Variants in XRCC4 observed in about 807,000 individuals in gnomAD.
XRCC4 encodes the protein X-ray repair cross complementing 4.
XRCC4 carries 28 observed loss-of-function variants against 39.1 expected under a neutral mutation model. The ratio of observed to expected loss-of-function variants is 0.72; its 90% CI spans 0.53 to 0.98. The LOEUF (loss-of-function observed/expected upper bound fraction) is 0.98, where lower values mean the gene tolerates loss of function less well. Ranked by LOEUF, XRCC4 falls within the 50% of genes least tolerant of loss-of-function variation. XRCC4 has a pLI of 0.00. For synonymous variants in XRCC4, 123 were observed against 126.4 expected (o/e 0.97, Z 0.18); for missense variants, 350 against 376.4 (o/e 0.93, Z 0.58).
chr5:83,352,351 G>A (rs942340195), intron 7 of XRCC4, among the ~76,000 whole-genome samples: 2 of 152,142 alleles, frequency 1.3e-5, no homozygotes, highest in African/African-American at 4.8e-5. Flanking sequence ...AGGTTCCATA[G>A]AGAACCACTG....
chr5:83,116,758 A>G (rs1355752713), intron 3 of XRCC4, among the ~76,000 whole-genome samples: 2 of 151,416 alleles, frequency 1.3e-5, no homozygotes, highest in Non-Finnish European at 2.9e-5. Context: ...AGTAGCTGGG[A>G]TTACAGGTGC....
intron 6 of XRCC4, among the ~76,000 whole-genome samples, chr5:83,241,212 CA>C (rs1365868384): frequency 1.4e-5 from 2 of 143,110 alleles, no homozygotes; most frequent in African/African-American, 2.6e-5. Flanking sequence ...CAATGCACTC[CA>C]GCCAGGGCAA....
At position 83,204,928 on chromosome 5, in the gene XRCC4, GAT is replaced by G; in HGVS notation, c.745+9_745+10del. The G allele has an allele frequency of 6.3e-7, 1 of 1,583,434 alleles. No homozygotes were observed. Among genetic ancestry groups the G allele is most frequent in the Non-Finnish European group, 8.7e-7 (1 of 1,153,868 alleles). On this transcript the variant is annotated splice_region_variant and intron_variant, in intron 6 of 7. Coordinates refer to ENST00000396027, the MANE Select transcript of XRCC4 (RefSeq NM_003401.5). ...CTCTCTGGGTTGGCTTCAGGTAAGA[GAT>G]ACATACATTTATCTCCTCTGTTGAA...
intron 7 of XRCC4, among the ~76,000 whole-genome samples, chr5:83,342,948 T>C (rs1381694708): frequency 6.6e-6 from 1 of 152,172 alleles, no homozygotes; most frequent in Non-Finnish European, 1.5e-5. Context: ...AAGGTCAATC[T>C]GATAGCTGCT....
intron 3 of XRCC4, among the ~76,000 whole-genome samples, chr5:83,127,075 T>G (rs151233546): frequency 1.2e-4 from 19 of 152,254 alleles, no homozygotes; most frequent in African/African-American, 4.1e-4. Flanking sequence ...CCATATCTGA[T>G]TTAGATGAGA....
the XRCC4 span, among the ~76,000 whole-genome samples, chr5:83,364,203 G>C: frequency 6.6e-6 from 1 of 152,066 alleles, no homozygotes; most frequent in African/African-American, 2.4e-5. Flanking sequence ...AGAACAAAGT[G>C]GCAGAAATAG....
intron 3 of XRCC4, among the ~76,000 whole-genome samples, chr5:83,155,379 A>T (rs1418652006): frequency 1.3e-5 from 2 of 152,192 alleles, no homozygotes; most frequent in African/African-American, 4.8e-5. Flanking sequence ...ATACAAAACT[A>T]CTAATTGCTA....
the XRCC4 span, among the ~76,000 whole-genome samples, chr5:83,369,418 G>A: frequency 3.3e-5 from 5 of 152,058 alleles, no homozygotes; most frequent in African/African-American, 1.2e-4. Context: ...CCCCCGTCTA[G>A]TAGTTCACAG....
Position 83,166,042 on chromosome 5 carries a change from C to T in XRCC4, c.316-29728C>T, listed in dbSNP as rs529807281. 9.4e-4 allele frequency among the ~76,000 whole-genome samples: 143 copies of T among 152,000 alleles called. No individual in the cohort carries two copies. The Middle Eastern group carries it at 0.01, about 11-fold the overall frequency. ...CTGGGATTACAGGCATGTGCTACCA[C>T]GCCTGGCTAATTTTTTGTATTTTTA... On this transcript the variant is annotated intron_variant, in intron 3 of 7. Transcript: ENST00000396027.
intron 6 of XRCC4, 106 bp from the exon 7 acceptor site, chr5:83,258,424 C>A: frequency 7.5e-7 from 1 of 1,331,624 alleles, no homozygotes; most frequent in Non-Finnish European, 1.0e-6. Context: ...AATAGTTTTG[C>A]TATATTTTAA....
chr5:83,147,374 A>G (rs760521020), intron 3 of XRCC4, among the ~76,000 whole-genome samples: 4 of 152,226 alleles, frequency 2.6e-5, no homozygotes, highest in Non-Finnish European at 5.9e-5. Context: ...ATTCAGCCTT[A>G]AAACACAAGG....
intron 3 of XRCC4, among the ~76,000 whole-genome samples, chr5:83,118,444 G>T (rs1425840559): frequency 6.6e-6 from 1 of 152,066 alleles, no homozygotes; most frequent in Non-Finnish European, 1.5e-5. Context: ...TGGATTACAG[G>T]CATGAGTCAG....
intron 6 of XRCC4, among the ~76,000 whole-genome samples, chr5:83,247,429 C>T (rs11750334): frequency 0.07 from 10,689 of 152,258 alleles, 517 homozygotes; most frequent in Non-Finnish European, 0.1. Context: ...ATCATCCCCC[C>T]AACCTCACCC....
chr5:83,135,564 A>G (rs563870340), intron 3 of XRCC4, among the ~76,000 whole-genome samples: 2 of 151,708 alleles, frequency 1.3e-5, no homozygotes, highest in African/African-American at 4.8e-5. Context: ...ATTTATATGT[A>G]TATTATGTTT....
chr5:83,210,038 C>G (rs1248171431), intron 6 of XRCC4, among the ~76,000 whole-genome samples: 3 of 152,052 alleles, frequency 2.0e-5, no homozygotes, highest in East Asian at 1.9e-4. Flanking sequence ...TATAGAATAG[C>G]CTTTTTGAAA....
At chr5:83,128,326 G>A (rs975755961) in intron 3 of XRCC4, among the ~76,000 whole-genome samples, 1 of 152,152 alleles carries the variant, frequency 6.6e-6, no homozygotes, top group Admixed American at 6.6e-5. Flanking sequence ...TGGCTACATA[G>A]TATTCCATGG....
intron 6 of XRCC4, among the ~76,000 whole-genome samples, chr5:83,207,376 A>G (rs1751461361): frequency 6.6e-6 from 1 of 152,024 alleles, no homozygotes; most frequent in Non-Finnish European, 1.5e-5. Flanking sequence ...AGAAATGTTT[A>G]GTTTATTTCA....
At chr5:83,090,255 T>C (rs1473919518) in intron 1 of XRCC4, among the ~76,000 whole-genome samples, 4 of 152,094 alleles carry the variant, frequency 2.6e-5, no homozygotes, top group Non-Finnish European at 1.5e-5. Flanking sequence ...TGGGAGGTAA[T>C]TGAATCATGG....
intron 6 of XRCC4, among the ~76,000 whole-genome samples, chr5:83,242,162 T>TTA (rs1752938574): frequency 6.9e-6 from 1 of 145,260 alleles, no homozygotes; most frequent in Non-Finnish European, 1.5e-5. Flanking sequence ...CGTATACACA[T>TTA]TGTGTGTGTG....
Sources: gnomAD v4.1 joint callset for allele counts (sites outside exome capture counted in the v4.1 genomes callset) on GRCh38, gnomAD v4.1.1 for gene constraint, MANE v1.5 for transcripts, NCBI Gene and HGNC (gene_info 2026-07-23, HGNC 2026-07-21) for gene names.